The following LYST variants were observed in gnomAD, a reference collection of about 807,000 sequenced individuals.
The protein encoded by LYST is lysosomal-trafficking regulator.
Under a neutral mutation model 413.6 loss-of-function variants are expected in LYST, and 192 were observed. That is an observed-to-expected ratio of 0.46 (90% CI 0.41 to 0.52). The LOEUF is 0.52. LYST is among the 20% of genes least tolerant of loss of function. The probability of loss-of-function intolerance (pLI) is 0.00; values close to 1 mark genes in which losing one functional copy is unlikely to be tolerated. For synonymous variants in LYST, 1,525 were observed against 1,567.3 expected, an observed-to-expected ratio of 0.97 and a Z score of 0.64; for missense variants, 3,815 against 4,499.9, an observed-to-expected ratio of 0.85 and a Z score of 4.35.
chr1:235,701,624 C>CTCAA (rs368465866), intron 45 of LYST, among the ~76,000 whole-genome samples: 2,552 of 152,122 alleles, frequency 0.017, 61 homozygotes, highest in African/African-American at 0.043. Flanking sequence ...CGAGACTCAT[C>CTCAA]TCAATCAATC....
rs763212916 is a variant in LYST, at chr1:235,773,960, A to G, written c.5666T>C (p.Ile1889Thr). 1.2e-6 allele frequency: 2 copies of G among 1,606,244 alleles called. No homozygotes were observed. The highest frequency in any genetic ancestry group is 1.7e-5 in the Admixed American group (1 of 60,004). The change falls in exon 19 of 53, where the codon ATT (isoleucine) becomes ACT (threonine). Residue 1889 changes from isoleucine to threonine, a missense_variant. By Grantham distance (89) the Ile-to-Thr change is moderately conservative (BLOSUM62 -1). Transcript: ENST00000389793. ...CTCTCCATTCTCATTCATATAAATA[A>G]TATCTTCACCACAGCATCCTTCAAG... is the stretch of plus-strand genomic sequence containing the variant. ...TLLEGCCGEDIIYMNENGEFK... is the reference protein window; with the variant it reads ...TLLEGCCGEDTIYMNENGEFK...
At chr1:235,712,981 G>A in intron 42 of LYST, 1 of 985,304 alleles carries the variant, frequency 1.0e-6, no homozygotes, top group Non-Finnish European at 1.2e-6. Flanking sequence ...GAACCATATT[G>A]CATCATCTAA....
intron 3 of LYST, chr1:235,827,544 GATAAA>G: frequency 1.0e-6 from 1 of 979,104 alleles, no homozygotes; most frequent in Non-Finnish European, 1.2e-6. Flanking sequence ...CATCTTAAAT[GATAAA>G]ATATCATTCA....
chr1:235,787,338 A>G lies in LYST; in HGVS notation c.4724T>C (p.Val1575Ala), dbSNP rs371040509. 3 of 1,613,740 alleles carry G rather than the reference A, an allele frequency of 1.9e-6. No homozygotes were observed. In the African/African-American group the frequency reaches 4.0e-5, roughly 22 times the overall value. Reference sequence around the variant, plus strand: ...CTGTGATTCAACCTGTGCTAGTAAAACAGCTTTCATGTCATCATTTGAATC... The same window carrying G: ...CTGTGATTCAACCTGTGCTAGTAAAGCAGCTTTCATGTCATCATTTGAATC... ...CMDSNDDMKAVLLAQVESQEN... is the reference protein window; with the variant it reads ...CMDSNDDMKAALLAQVESQEN... The change falls in exon 14 of 53, where the codon GTT becomes GCT. Residue 1575 changes from valine to alanine, a missense_variant. This residue lies in a region of LYST where 530 missense variants were observed against 696.5 expected (regional missense o/e 0.76). Coordinates refer to ENST00000389793, the MANE Select transcript of LYST (RefSeq NM_000081.4).
chr1:235,788,252 C>T (rs1190825684), intron 13 of LYST, among the ~76,000 whole-genome samples: 1 of 152,126 alleles, frequency 6.6e-6, no homozygotes, highest in Non-Finnish European at 1.5e-5. Flanking sequence ...CTCTGCCTCC[C>T]AGATTCAAGT....
At chr1:235,722,920 G>A (rs1663513009) in intron 39 of LYST, among the ~76,000 whole-genome samples, 1 of 152,176 alleles carries the variant, frequency 6.6e-6, no homozygotes, top group African/African-American at 2.4e-5. Context: ...ATTTTTATTT[G>A]ATTTCAGAAA....
intron 3 of LYST, among the ~76,000 whole-genome samples, chr1:235,822,876 A>AGATGAGAAGCCATGTG (rs1462826995): frequency 6.6e-6 from 1 of 152,224 alleles, no homozygotes; most frequent in Non-Finnish European, 1.5e-5. Context: ...GCCTACTGAA[A>AGATGAGAAGCCATGTG]GATGAGAAGC....
At chr1:235,719,979 C>A (rs1663206792) in intron 40 of LYST, among the ~76,000 whole-genome samples, 1 of 151,792 alleles carries the variant, frequency 6.6e-6, no homozygotes, top group Non-Finnish European at 1.5e-5. Flanking sequence ...AGATAGAGAC[C>A]ATCCTGGCCA....
chr1:235,869,214 T>G (rs1036091355), upstream of LYST, among the ~76,000 whole-genome samples: 2 of 152,176 alleles, frequency 1.3e-5, no homozygotes, highest in Non-Finnish European at 2.9e-5. Flanking sequence ...GGCTCACGCC[T>G]GTAATCCCAG....
At chr1:235,880,148 C>A (rs1486593209) in intron 1 of LYST, among the ~76,000 whole-genome samples, 1 of 152,194 alleles carries the variant, frequency 6.6e-6, no homozygotes, top group Non-Finnish European at 1.5e-5. Flanking sequence ...ATTTACAAGT[C>A]ATTGGTTAGG....
At chr1:235,843,375 T>C (rs573889333) in intron 1 of LYST, among the ~76,000 whole-genome samples, 77 of 152,264 alleles carry the variant, frequency 5.1e-4, no homozygotes, top group Non-Finnish European at 1.0e-3. Context: ...AGTAGTGAAA[T>C]AGGACCCAGA....
At chr1:235,741,382 C>A (rs765570115) in intron 31 of LYST, 40 bp downstream of exon 31, 2 of 1,473,924 alleles carry the variant, frequency 1.4e-6, no homozygotes, top group African/African-American at 1.4e-5. Context: ...TTGTATTTCA[C>A]CAAACGTTTT....
At position 235,809,871 on chromosome 1, in the gene LYST, G is replaced by A. The variant is rs768387318; in HGVS notation, c.947C>T (p.Thr316Ile). ...TTGAATCAAAGCCACCGGTTCTTCG[G>A]TCCAACCTGCAGAAACTACTCGACT... ...LESRVVSAGW[T>I]EEPVALIQRM... Residue 316 changes from threonine to isoleucine, a missense_variant, in exon 5 of 53, where the codon ACC (threonine) becomes ATC (isoleucine). Around this residue, in one of 4 missense-constraint regions of LYST, gnomAD observed 1,648 missense variants for 1,810.3 expected, o/e 0.91. Transcript: ENST00000389793. This position sits in a 1 kb window ranked among gnomAD's most constrained non-coding sequence, Gnocchi z 4.0. The A allele has an allele frequency of 1.2e-6, 2 of 1,613,934 alleles. No homozygotes were observed. The highest frequency in any genetic ancestry group is 8.5e-7 in the Non-Finnish European group (1 of 1,179,968).
At chr1:235,857,917 A>G (rs7547309) in intron 1 of LYST, among the ~76,000 whole-genome samples, 77,073 of 151,970 alleles carry the variant, frequency 0.51, 22,985 homozygotes, top group African/African-American at 0.83. Context: ...GATGACTTGT[A>G]AGTCATTGTT....
At chr1:235,831,007 C>G (rs3768068) in intron 2 of LYST, among the ~76,000 whole-genome samples, 133,386 of 152,206 alleles carry the variant, frequency 0.88, 58,744 homozygotes, top group African/African-American at 0.97. Context: ...GGGAAATAAG[C>G]TACAGCAAAC....
At chr1:235,823,309 C>T (rs1216188665) in intron 3 of LYST, among the ~76,000 whole-genome samples, 1 of 152,174 alleles carries the variant, frequency 6.6e-6, no homozygotes, top group African/African-American at 2.4e-5. Flanking sequence ...CCTGTCAGAC[C>T]AATCATGCAT....
rs1664680157 is a variant in LYST at position 235,734,811 on chromosome 1, A to C, written c.8359-152T>G. The C allele has an allele frequency of 1.2e-5, 7 of 585,046 alleles. No individual in the cohort carries two copies. In the East Asian group the frequency reaches 2.0e-4, roughly 17 times the overall value. The allele number at this position is 585,046 out of a possible 1,614,324, so 36.2% of individuals were successfully genotyped here. Reference sequence around the variant, plus strand: ...AAAGACATTCTGAGGATAAGTACAGAAATCTGATTATGCACTGAGTATTTG... The same window carrying C: ...AAAGACATTCTGAGGATAAGTACAGCAATCTGATTATGCACTGAGTATTTG... On this transcript the variant is annotated intron_variant, in intron 31 of 52. Coordinates refer to ENST00000389793, the MANE Select transcript of LYST (RefSeq NM_000081.4).
At position 235,791,694 on chromosome 1, in the gene LYST, C is replaced by T; in HGVS notation, c.4543+5G>A. ...TGTACAAATCAGATAATCCTGTCAT[C>T]ATACCTGTACCATCAAAACTGCTAT... is the stretch of plus-strand genomic sequence containing the variant. On this transcript the variant is annotated splice_donor_5th_base_variant and intron_variant, in intron 12 of 52. Coordinates refer to ENST00000389793, the MANE Select transcript of LYST (RefSeq NM_000081.4). 6.2e-7 allele frequency: 1 copy of T among 1,602,694 alleles called. No individual in the cohort carries two copies. Among genetic ancestry groups the T allele is most frequent in the Non-Finnish European group, 8.5e-7 (1 of 1,171,546 alleles).
At chr1:235,675,828 G>A (rs997434070) in intron 50 of LYST, among the ~76,000 whole-genome samples, 1 of 152,176 alleles carries the variant, frequency 6.6e-6, no homozygotes, top group Non-Finnish European at 1.5e-5. Context: ...TGTCACAATT[G>A]AACTGCATGG....
Sources: allele counts gnomAD v4.1 joint callset (sites outside exome capture counted in the v4.1 genomes callset), GRCh38; gene constraint gnomAD v4.1.1; regional missense constraint gnomAD v4.1.1; non-coding constraint Gnocchi (gnomAD v3.1); transcripts MANE v1.5; gene names NCBI Gene and HGNC (gene_info 2026-07-23, HGNC 2026-07-21).